GALNT17: variants seen among roughly 807,000 people sequenced by gnomAD.
GALNT17 encodes polypeptide N-acetylgalactosaminyltransferase 17.
A neutral mutation model predicts 63.7 loss-of-function variants in GALNT17; 29 were observed. That is an observed-to-expected ratio of 0.46 (90% CI 0.34 to 0.62). The LOEUF is 0.62. GALNT17 is among the 20% of genes least tolerant of loss of function. GALNT17 has a pLI of 0.01. For synonymous variants in GALNT17, 305 were observed against 318.3 expected (o/e 0.96, Z 0.45); for missense variants, 603 against 799.6 (o/e 0.75, Z 2.97).
intron 5 of GALNT17, among the ~76,000 whole-genome samples, chr7:71,552,563 C>G (rs1789098779): frequency 6.6e-6 from 1 of 151,756 alleles, no homozygotes; most frequent in South Asian, 2.1e-4. Flanking sequence ...GTCTCAGCCC[C>G]CCTCGTAGCT....
rs560532132 is a variant in GALNT17, at chr7:71,191,115, C to T, written c.238+58075C>T. The stretch of plus-strand genomic sequence containing the variant: ...CACAGACCTTAAGTGTAGTTTGATT[C>T]GTTTTGAGAAACACATACATTTATG... On this transcript the variant is annotated intron_variant, in intron 1 of 10. Transcript: ENST00000333538. Among the ~76,000 whole-genome samples, 4 of 152,170 alleles carry T rather than the reference C, an allele frequency of 2.6e-5. No homozygotes were observed. The South Asian group carries it at 8.3e-4, about 32-fold the overall frequency.
At chr7:71,585,914 C>CTT (rs35569879) in intron 6 of GALNT17, among the ~76,000 whole-genome samples, 2,446 of 137,876 alleles carry the variant, frequency 0.018, 44 homozygotes, top group South Asian at 0.039. Flanking sequence ...TTCCTGATTT[C>CTT]TTTTTTTTTT....
chr7:71,308,062 C>T lies in GALNT17; in HGVS notation c.239-27488C>T, dbSNP rs117732342. Among the ~76,000 whole-genome samples the T allele has an allele frequency of 1.5e-3, 235 of 151,904 alleles. 1 individual carries two copies. The East Asian group carries it at 0.02, about 13-fold the overall frequency. ...CCAATTCTGGGAAGTCTGAAGGCTC[C>T]GGGTCAGAGGGGAGTTTGTTGCATG... On this transcript the variant is annotated intron_variant, in intron 1 of 10. Transcript: ENST00000333538.
intron 2 of GALNT17, among the ~76,000 whole-genome samples, chr7:71,358,229 C>T (rs2116216409): frequency 6.6e-6 from 1 of 152,268 alleles, no homozygotes; most frequent in African/African-American, 2.4e-5. Context: ...AACCTCATCT[C>T]TACTGAAAAT....
At chr7:71,255,169 A>G (rs1790267371) in intron 1 of GALNT17, among the ~76,000 whole-genome samples, 1 of 152,218 alleles carries the variant, frequency 6.6e-6, no homozygotes, top group African/African-American at 2.4e-5. Flanking sequence ...CCCCACCCAA[A>G]TCTCATCTTG....
intron 2 of GALNT17, among the ~76,000 whole-genome samples, chr7:71,341,690 A>G (rs1922522): frequency 0.051 from 7,821 of 152,254 alleles, 670 homozygotes; most frequent in African/African-American, 0.18. Flanking sequence ...TCTATAGAAT[A>G]CTTTGGGCCA....
chr7:71,263,411 C>G (rs1444675351), intron 1 of GALNT17, among the ~76,000 whole-genome samples: 1 of 152,186 alleles, frequency 6.6e-6, no homozygotes, highest in Non-Finnish European at 1.5e-5. Context: ...TGATCTTATG[C>G]TTCCAGCCTC....
intron 1 of GALNT17, among the ~76,000 whole-genome samples, chr7:71,217,467 T>G (rs1292908410): frequency 1.3e-5 from 2 of 152,206 alleles, no homozygotes; most frequent in Non-Finnish European, 2.9e-5. Flanking sequence ...CTTCTCTTAA[T>G]CAGACCAATT....
intron 3 of GALNT17, among the ~76,000 whole-genome samples, chr7:71,389,377 G>T (rs2116346513): frequency 6.6e-6 from 1 of 152,098 alleles, no homozygotes; most frequent in Non-Finnish European, 1.5e-5. Flanking sequence ...CAGGAGATCT[G>T]CCCTCCTCAA....
intron 6 of GALNT17, among the ~76,000 whole-genome samples, chr7:71,584,912 G>A (rs1003426632): frequency 5.9e-5 from 9 of 151,978 alleles, no homozygotes; most frequent in Non-Finnish European, 1.2e-4. Context: ...CCGCCACCAC[G>A]CCAAGCTAAT....
chr7:71,335,527 C>G, intron 1 of GALNT17, 23 bp from the exon 2 acceptor site: 1 of 1,529,640 alleles, frequency 6.5e-7, no homozygotes, highest in Non-Finnish European at 8.8e-7. Context: ...TCTAATAATT[C>G]TTTTTTCTCC....
intron 1 of GALNT17, among the ~76,000 whole-genome samples, chr7:71,148,238 T>A (rs1442231628): frequency 6.6e-6 from 1 of 152,260 alleles, no homozygotes; most frequent in East Asian, 1.9e-4. Context: ...TTTGGCATCA[T>A]AGTGTCATAG....
intron 6 of GALNT17, among the ~76,000 whole-genome samples, chr7:71,592,449 C>G (rs1012976444): frequency 6.6e-6 from 1 of 151,004 alleles, no homozygotes; most frequent in Non-Finnish European, 1.5e-5. Context: ...GAGCTGAGAT[C>G]GTGCCACTGC....
intron 2 of GALNT17, among the ~76,000 whole-genome samples, chr7:71,376,425 GTTTTTTTTTTT>G (rs57171551): frequency 7.3e-4 from 46 of 63,354 alleles, no homozygotes; most frequent in Admixed American, 1.9e-3. Flanking sequence ...GTTTGGAGTT[GTTTTTTTTTTT>G]TTTTTTTTTT....
At chr7:71,349,151 T>C (rs570991037) in intron 2 of GALNT17, among the ~76,000 whole-genome samples, 2 of 152,362 alleles carry the variant, frequency 1.3e-5, no homozygotes, top group Middle Eastern at 3.4e-3. Context: ...CCTGTTTATG[T>C]GTGGAGTTCT....
At chr7:71,469,425 C>T (rs748402759) in intron 5 of GALNT17, among the ~76,000 whole-genome samples, 23 of 152,154 alleles carry the variant, frequency 1.5e-4, no homozygotes, top group Non-Finnish European at 2.8e-4. Context: ...GAGCAAAGAA[C>T]GATTTACAAA....
chr7:71,155,876 A>T (rs73361726), intron 1 of GALNT17, among the ~76,000 whole-genome samples: 2,896 of 151,798 alleles, frequency 0.019, 181 homozygotes, highest in African/African-American at 0.067. Context: ...AATATTCCTC[A>T]CTTTTCCTGG....
At chr7:71,583,206 T>A (rs1789662371) in intron 6 of GALNT17, among the ~76,000 whole-genome samples, 1 of 152,200 alleles carries the variant, frequency 6.6e-6, no homozygotes, top group Non-Finnish European at 1.5e-5. Flanking sequence ...GCGATTCTCC[T>A]GCCTCAGCCT....
In GALNT17 at chr7:71,162,737, G is replaced by C. The variant is rs116799427; in HGVS notation, c.238+29697G>C. Among the ~76,000 whole-genome samples the C allele has an allele frequency of 3.5e-3, 533 of 152,316 alleles. 3 individuals carry two copies. Among genetic ancestry groups the C allele is most frequent in the African/African-American group, 0.011 (460 of 41,572 alleles). ...CTCAGTCTAGTGGAGGACACAGTTA[G>C]TGATGATGCAAGTGTGCACAGGATG... On this transcript the variant is annotated intron_variant, in intron 1 of 10. Coordinates refer to ENST00000333538, the MANE Select transcript of GALNT17 (RefSeq NM_022479.3).
Sources: gnomAD v4.1 joint callset for allele counts (sites outside exome capture counted in the v4.1 genomes callset) on GRCh38, gnomAD v4.1.1 for gene constraint, MANE v1.5 for transcripts, NCBI Gene and HGNC (gene_info 2026-07-23, HGNC 2026-07-21) for gene names.